ATXN2: variants seen among roughly 807,000 people sequenced by gnomAD.
ATXN2 encodes ataxin 2, also known as ataxin-2.
In ATXN2, 37 loss-of-function variants were observed where a neutral mutation model predicts 138.6. That is an observed-to-expected ratio of 0.27 (90% CI 0.21 to 0.35). The LOEUF (loss-of-function observed/expected upper bound fraction) is 0.35, where lower values mean the gene tolerates loss of function less well. ATXN2 is among the 10% of genes least tolerant of loss of function. ATXN2 has a pLI of 1.00. For missense variants in ATXN2, 1,216 were observed against 1,480.3 expected (o/e 0.82, Z 2.93); for synonymous variants, 549 against 543.7 (o/e 1.01, Z -0.13).
At chr12:111,555,187 T>C (rs1206048756) in intron 2 of ATXN2, among the ~76,000 whole-genome samples, 3 of 152,066 alleles carry the variant, frequency 2.0e-5, no homozygotes, top group African/African-American at 7.2e-5. Context: ...ATAAAAAGCA[T>C]AAAGAACTCT....
At chr12:111,463,937 C>G (rs1438527914) in intron 21 of ATXN2, among the ~76,000 whole-genome samples, 4 of 152,146 alleles carry the variant, frequency 2.6e-5, no homozygotes, top group African/African-American at 7.2e-5. Context: ...TAGGCGCATG[C>G]CAGCATGCAT....
intron 11 of ATXN2, 111 bp from the exon 12 acceptor site, chr12:111,510,693 C>A (rs1879455921): frequency 4.0e-6 from 4 of 1,010,246 alleles, no homozygotes; most frequent in Middle Eastern, 6.7e-4. Flanking sequence ...CCTCTCTAGC[C>A]CTTACCCTTT....
chr12:111,554,244 ATT>A, intron 2 of ATXN2, 27 bp from the exon 3 acceptor site: 17 of 1,276,400 alleles, frequency 1.3e-5, no homozygotes, highest in Non-Finnish European at 1.7e-5. Context: ...AAAAAAAACT[ATT>A]AGAAATTAGT....
At chr12:111,592,463 A>G (rs1441875530) in intron 1 of ATXN2, among the ~76,000 whole-genome samples, 1 of 151,676 alleles carries the variant, frequency 6.6e-6, no homozygotes, top group East Asian at 1.9e-4. Context: ...AAAAAACAAA[A>G]AAAACACAAG....
intron 14 of ATXN2, among the ~76,000 whole-genome samples, chr12:111,501,256 G>A (rs1426998476): frequency 1.1e-4 from 17 of 152,040 alleles, no homozygotes; most frequent in Admixed American, 1.1e-3. Flanking sequence ...TAAGTTTGCA[G>A]ACCAGAAAAA....
At chr12:111,465,888 C>CA (rs11399004) in intron 20 of ATXN2, among the ~76,000 whole-genome samples, 15,469 of 150,582 alleles carry the variant, frequency 0.1, 2,631 homozygotes, top group African/African-American at 0.35. Context: ...TCAAAGAGGC[C>CA]GGGGCAGTGG....
In ATXN2 at chr12:111,510,540, C is replaced by G; in HGVS notation, c.1601G>C (p.Arg534Thr). 1 of 1,613,906 alleles carries G rather than the reference C, an allele frequency of 6.2e-7. No homozygotes were observed. Among genetic ancestry groups the G allele is most frequent in the Non-Finnish European group, 8.5e-7 (1 of 1,179,838 alleles). ...SPKTHRPRSP[R>T]QNSIGNTPSG... ...GGGGGTATTTCCAATACTGTTCTGT[C>G]TGGGAGACCTGGGTCTATGAGTTTT... Residue 534 changes from arginine (R) to threonine (T), a missense_variant, in exon 12 of 25, where the codon AGA becomes ACA. By Grantham distance (71) the Arg-to-Thr change is moderately conservative. Transcript: ENST00000673436.
At chr12:111,586,391 T>G (rs1176533559) in intron 1 of ATXN2, among the ~76,000 whole-genome samples, 1 of 142,548 alleles carries the variant, frequency 7.0e-6, no homozygotes, top group African/African-American at 2.6e-5. Context: ...AAGTCTGGTT[T>G]TTTTTTTTTT....
chr12:111,464,247 G>GGGGTGTGTGTGTGT (rs71445545), intron 21 of ATXN2, among the ~76,000 whole-genome samples: 1 of 134,630 alleles, frequency 7.4e-6, no homozygotes, highest in Non-Finnish European at 1.6e-5. Flanking sequence ...TGTGGCTTGG[G>GGGGTGTGTGTGTGT]GTGTGTGTGT....
chr12:111,579,968 G>A (rs1452600549), intron 1 of ATXN2, among the ~76,000 whole-genome samples: 1 of 152,066 alleles, frequency 6.6e-6, no homozygotes, highest in Admixed American at 6.6e-5. Context: ...CCAAAGTGCT[G>A]GGATTACAGG....
At chr12:111,470,912 T>C (rs1876372553) in intron 18 of ATXN2, 170 bp from the exon 19 acceptor site, 3 of 650,866 alleles carry the variant, frequency 4.6e-6, no homozygotes, top group Non-Finnish European at 7.9e-6. Context: ...TCATGCATGC[T>C]AGTCCTCAGC....
intron 6 of ATXN2, among the ~76,000 whole-genome samples, chr12:111,521,769 G>C (rs948676034): frequency 1.4e-4 from 21 of 151,910 alleles, no homozygotes; most frequent in African/African-American, 4.6e-4. Context: ...TTTTTTTGGT[G>C]GGGGGGAGCC....
At chr12:111,501,922 G>C (rs1878797460) in intron 14 of ATXN2, among the ~76,000 whole-genome samples, 6 of 150,104 alleles carry the variant, frequency 4.0e-5, no homozygotes, top group Non-Finnish European at 1.5e-5. Flanking sequence ...AACAGGGTCT[G>C]ACTCCGTTGC....
At position 111,544,805 on chromosome 12, in the gene ATXN2, G is replaced by C. The variant is rs1161398138; in HGVS notation, c.571+7475C>G. On this transcript the variant is annotated intron_variant, in intron 5 of 24. Coordinates refer to ENST00000673436, the MANE Select transcript of ATXN2 (RefSeq NM_001372574.1). ...ACAGAAAAAGATTCCAAAGGACCTG[G>C]CAGTTAGAGGTTAATCGTAGCCTTA... Among the ~76,000 whole-genome samples, 4 of 152,180 alleles carry C rather than the reference G, an allele frequency of 2.6e-5. No individual in the cohort carries two copies. In the East Asian group the frequency reaches 7.7e-4, roughly 29 times the overall value.
chr12:111,598,991 TG>T lies in ATXN2; in HGVS notation c.43del (p.Gln15SerfsTer31). 1 of 1,472,562 alleles carries T rather than the reference TG, an allele frequency of 6.8e-7. No individual in the cohort carries two copies. The highest frequency in any genetic ancestry group is 9.0e-7 in the Non-Finnish European group (1 of 1,114,438). The allele number at this position is 1,472,562 out of a possible 1,614,324, so 91.2% of individuals were successfully genotyped here. ...CTGCTGCTGCTGTTGCTGCTGCTGCTGCTGCTGCTGCTGCTGCTGCTGCTGC... is the reference window on the plus strand; with the variant it reads ...CTGCTGCTGCTGTTGCTGCTGCTGCTCTGCTGCTGCTGCTGCTGCTGCTGC... ...PQQQQQQQQQQQQQQQQQQQQ... is the reference protein window; with the variant it reads ...PQQQQQQQQQXQQQQQQQQQQ... On this transcript the variant is annotated frameshift_variant, in exon 1 of 25. Transcript: ENST00000673436. LOFTEE classifies it high-confidence loss of function. The surrounding 1 kb of genome is among the most constrained non-coding windows in gnomAD (Gnocchi z 4.5).
Position 111,552,807 on chromosome 12 carries a change from G to A in ATXN2, c.420+99C>T. The A allele has an allele frequency of 2.6e-6, 2 of 764,842 alleles. No homozygotes were observed. Among genetic ancestry groups the A allele is most frequent in the Non-Finnish European group, 4.1e-6 (2 of 487,786 alleles). 47.4% of individuals were successfully genotyped at this position (764,842 alleles called of 1,614,324 possible). On this transcript the variant is annotated intron_variant, in intron 4 of 24. Transcript: ENST00000673436. The surrounding 1 kb of genome is among the most constrained non-coding windows in gnomAD (Gnocchi z 4.1). ...TAAAATAATCAGTATTTGAAACTGA[G>A]AAGTAAAATCATTCAAAGTGGCTTT...
intron 14 of ATXN2, among the ~76,000 whole-genome samples, chr12:111,508,678 C>G (rs1290314095): frequency 6.6e-6 from 1 of 151,930 alleles, no homozygotes; most frequent in Non-Finnish European, 1.5e-5. Context: ...AACTCCTGAC[C>G]TTAGGTGATC....
chr12:111,597,696 G>T, intron 1 of ATXN2: 1 of 512,770 alleles, frequency 2.0e-6, no homozygotes, highest in Non-Finnish European at 3.6e-6. Flanking sequence ...TGAGCCCCCA[G>T]CCCCTACTAC....
At chr12:111,568,021 G>A (rs1883110862) in intron 1 of ATXN2, among the ~76,000 whole-genome samples, 2 of 152,124 alleles carry the variant, frequency 1.3e-5, no homozygotes, top group South Asian at 4.1e-4. Context: ...GGCACTTTGG[G>A]AGGCTGAGGC....
Sources: gnomAD v4.1 joint callset for allele counts (sites outside exome capture counted in the v4.1 genomes callset) on GRCh38, gnomAD v4.1.1 for gene constraint, Gnocchi (gnomAD v3.1) non-coding constraint, MANE v1.5 for transcripts, NCBI Gene and HGNC (gene_info 2026-07-23, HGNC 2026-07-21) for gene names.